CTDNEP1: variants seen among roughly 807,000 people sequenced by gnomAD.
The protein encoded by CTDNEP1 is CTD nuclear envelope phosphatase 1.
A neutral mutation model predicts 30.1 loss-of-function variants in CTDNEP1; 3 were observed. The observed-to-expected ratio is 0.10, with a 90% CI of 0.05 to 0.26. CTDNEP1 has a LOEUF of 0.26. Among genes scored for constraint, CTDNEP1 ranks in the 10% least tolerant of loss-of-function variants. The pLI is 1.00. For synonymous variants in CTDNEP1, 123 were observed against 118.8 expected, an observed-to-expected ratio of 1.04 and a Z score of -0.23; for missense variants, 158 against 310.4, an observed-to-expected ratio of 0.51 and a Z score of 3.69.
intron 1 of CTDNEP1, among the ~76,000 whole-genome samples, 153 bp from the exon 2 acceptor site, chr17:7,247,496 T>A (rs2071856857): frequency 6.8e-6 from 1 of 147,676 alleles, no homozygotes; most frequent in African/African-American, 2.5e-5. Flanking sequence ...TGAGATGGAG[T>A]CTCGCTCTGT....
chr17:7,249,876 A>T lies in CTDNEP1; in HGVS notation c.102+1319T>A, dbSNP rs190418853. ...CAGTGAGCGGAGATGGCACCACTGCACTCCAGCCTGGGCGACAAAGCGAGA... is the reference window on the plus strand; with the variant it reads ...CAGTGAGCGGAGATGGCACCACTGCTCTCCAGCCTGGGCGACAAAGCGAGA... On this transcript the variant is annotated intron_variant, in intron 1 of 7. Transcript: ENST00000574322. 2.6e-4 allele frequency among the ~76,000 whole-genome samples: 40 copies of T among 152,192 alleles called. No individual in the cohort carries two copies. In the East Asian group the frequency reaches 6.4e-3, roughly 24 times the overall value.
At chr17:7,247,445 A>T in intron 1 of CTDNEP1, 102 bp from the exon 2 acceptor site, 7 of 826,230 alleles carry the variant, frequency 8.5e-6, no homozygotes, top group Non-Finnish European at 1.4e-5. Flanking sequence ...GGTACTATGT[A>T]TGTAATTTAG....
At chr17:7,245,279 G>A (rs1475642935) in intron 6 of CTDNEP1, among the ~76,000 whole-genome samples, 5 of 151,166 alleles carry the variant, frequency 3.3e-5, no homozygotes, top group Non-Finnish European at 5.9e-5. Flanking sequence ...GTGACAGTGC[G>A]AGACTCTGTC....
chr17:7,247,301 A>G lies in CTDNEP1; in HGVS notation c.145T>C (p.Ser49Pro). Reference protein sequence around the residue: ...QTVRYDILPLSPVSRNRLAQV... With the variant: ...QTVRYDILPLPPVSRNRLAQV... Reference sequence around the variant, plus strand: ...CCTAGCCGATTCCGGGACACAGGAGATAAGGGGAGGATATCATATCGAACA... The same window carrying G: ...CCTAGCCGATTCCGGGACACAGGAGGTAAGGGGAGGATATCATATCGAACA... The change falls in exon 2 of 8, where the codon TCT becomes CCT. Residue 49 changes from serine (S) to proline (P), a missense_variant. Physicochemically the swap from Ser to Pro is moderately conservative, Grantham distance 74 (BLOSUM62 -1). Transcript: ENST00000574322. 6.2e-7 allele frequency: 1 copy of G among 1,614,012 alleles called. No homozygotes were observed. Among genetic ancestry groups the G allele is most frequent in the Non-Finnish European group, 8.5e-7 (1 of 1,180,010 alleles).
In CTDNEP1 at chr17:7,246,039, G is replaced by A; in HGVS notation, c.576C>T (p.Tyr192=). ...IVILDNSPGA[Y]RSHPDNAIPI... ...CTTCCCCCGTACCTGGATGGCTCCT[G>A]TAAGCCCCTGGGGAGTTATCCAGGA... The change falls in exon 6 of 8, where the codon TAC becomes TAT. Residue 192 remains tyrosine (Y), a synonymous_variant. Coordinates refer to ENST00000574322, the MANE Select transcript of CTDNEP1 (RefSeq NM_001143775.2). The surrounding 1 kb of genome is among the most constrained non-coding windows in gnomAD (Gnocchi z 4.9). The A allele has an allele frequency of 6.2e-7, 1 of 1,613,008 alleles. No individual in the cohort carries two copies. The highest frequency in any genetic ancestry group is 8.5e-7 in the Non-Finnish European group (1 of 1,179,130).
intron 1 of CTDNEP1, among the ~76,000 whole-genome samples, chr17:7,248,168 G>A (rs1567587753): frequency 7.0e-6 from 1 of 143,018 alleles, no homozygotes; most frequent in African/African-American, 2.6e-5. Context: ...GGCTGAGGCA[G>A]CAGAGTGGCT....
chr17:7,245,291 C>CA lies in CTDNEP1; in HGVS notation c.590-657dup, dbSNP rs962572496. On this transcript the variant is annotated intron_variant, in intron 6 of 7. Coordinates refer to ENST00000574322, the MANE Select transcript of CTDNEP1 (RefSeq NM_001143775.2). ...TGGGTGACAGTGCGAGACTCTGTCT[C>CA]AAAAAAAAATAAAAAATAAAAAAAT... 1.2e-4 allele frequency among the ~76,000 whole-genome samples: 18 copies of CA among 146,652 alleles called. No homozygotes were observed. The East Asian group carries it at 2.6e-3, about 22-fold the overall frequency.
In CTDNEP1 at chr17:7,251,520, C is replaced by A; in HGVS notation, c.-224G>T. 1 of 368,348 alleles carries A rather than the reference C, an allele frequency of 2.7e-6. No individual in the cohort carries two copies. The highest frequency in any genetic ancestry group is 4.4e-5 in the East Asian group (1 of 22,554). 22.8% of individuals were successfully genotyped at this position (368,348 alleles called of 1,614,324 possible). ...CAGGCGTGGGCAGCCCGCGGGGGCC[C>A]ACATGGGCTGGGAGTGGCACCGACG... is the stretch of plus-strand genomic sequence containing the variant. On this transcript the variant is annotated 5_prime_UTR_variant, in exon 1 of 8. Coordinates refer to ENST00000574322, the MANE Select transcript of CTDNEP1 (RefSeq NM_001143775.2).
Position 7,251,304 on chromosome 17 carries a change from A to G in CTDNEP1, c.-8T>C. 3 of 1,521,736 alleles carry G rather than the reference A, an allele frequency of 2.0e-6. No individual in the cohort carries two copies. Among genetic ancestry groups the G allele is most frequent in the Non-Finnish European group, 2.6e-6 (3 of 1,135,506 alleles). 94.3% of individuals were successfully genotyped at this position (1,521,736 alleles called of 1,614,324 possible). On this transcript the variant is annotated 5_prime_UTR_variant, in exon 1 of 8. Transcript: ENST00000574322. ...ACACTGCGTCCGCATCATCCCGATG[A>G]CCCCGGCACCGCCGGCCCCGGGGCC...
Position 7,247,157 on chromosome 17 carries a change from C to T in CTDNEP1, c.195G>A (p.Val65=). The part of the protein sequence containing the change: ...RLAQVKRKIL[V]LDLDETLIHS... The stretch of plus-strand genomic sequence containing the variant: ...GAATAAGTGTCTCATCCAGATCCAG[C>T]ACCAGGATCTTCCTCTTCACCTGGG... The change falls in exon 3 of 8, where the codon GTG becomes GTA. Residue 65 remains valine (V), a synonymous_variant. Coordinates refer to ENST00000574322, the MANE Select transcript of CTDNEP1 (RefSeq NM_001143775.2). 3 of 1,613,910 alleles carry T rather than the reference C, an allele frequency of 1.9e-6. No individual in the cohort carries two copies. Among genetic ancestry groups the T allele is most frequent in the Non-Finnish European group, 2.5e-6 (3 of 1,179,848 alleles).
At chr17:7,245,957 G>A (rs1460778748) in intron 6 of CTDNEP1, 69 bp downstream of exon 6, 1 of 1,022,084 alleles carries the variant, frequency 9.8e-7, no homozygotes, top group East Asian at 2.4e-5. Flanking sequence ...CCAAAGCCCA[G>A]GTCTCCTGCA....
chr17:7,245,365 G>A (rs895761147), intron 6 of CTDNEP1, among the ~76,000 whole-genome samples: 1 of 151,958 alleles, frequency 6.6e-6, no homozygotes, highest in Non-Finnish European at 1.5e-5. Flanking sequence ...CTGAGAGGCT[G>A]AGGCAGAAGG....
chr17:7,248,668 C>T (rs1214475785), intron 1 of CTDNEP1, among the ~76,000 whole-genome samples: 3 of 151,988 alleles, frequency 2.0e-5, no homozygotes, highest in Admixed American at 2.0e-4. Context: ...AAGCTGCCCT[C>T]TTAACTGTGA....
intron 7 of CTDNEP1, 110 bp from the exon 8 acceptor site, chr17:7,244,355 C>CATGATTAG (rs1215151609): frequency 3.3e-5 from 43 of 1,316,850 alleles, no homozygotes; most frequent in Non-Finnish European, 9.7e-6. Context: ...TCACCATATT[C>CATGATTAG]ATGATTAGAT....
rs414206 is a variant in CTDNEP1 at position 7,251,215 on chromosome 17, G to A, written c.82C>T (p.Leu28=). 1,019,288 of 1,599,370 alleles carry A rather than the reference G, an allele frequency of 0.64. 327,661 individuals are homozygous for A. The highest frequency in any genetic ancestry group is 0.85 in the African/African-American group (62,897 of 74,220). Residue 28 remains leucine (L), a synonymous_variant, in exon 1 of 8, where the codon CTG becomes TTG. Transcript: ENST00000574322. ...AKLWSFFIYL[L]RRQIRTVIQY... ...CTCACCGTGCGGATCTGCCTCCGCA[G>A]AAGGTAAATGAAGAAGCTCCAGAGC... is the stretch of plus-strand genomic sequence containing the variant.
chr17:7,245,524 C>T (rs1015967986), intron 6 of CTDNEP1, among the ~76,000 whole-genome samples: 7 of 151,146 alleles, frequency 4.6e-5, no homozygotes, highest in African/African-American at 1.7e-4. Flanking sequence ...TTTGAGACGG[C>T]GTCTCGCTCT....
chr17:7,246,453 G>A lies in CTDNEP1; in HGVS notation c.361-83C>T. ...ACAGTTATCTTTCAGAAAGGCAATG[G>A]CATAGTCCTTCAGGCCTTCCATCAA... On this transcript the variant is annotated intron_variant, in intron 4 of 7. Coordinates refer to ENST00000574322, the MANE Select transcript of CTDNEP1 (RefSeq NM_001143775.2). This position sits in a 1 kb window ranked among gnomAD's most constrained non-coding sequence, Gnocchi z 4.9. 9.8e-7 allele frequency: 1 copy of A among 1,017,780 alleles called. No homozygotes were observed. The highest frequency in any genetic ancestry group is 1.3e-5 in the South Asian group (1 of 76,140). The allele number at this position is 1,017,780 out of a possible 1,614,324, so 63.0% of individuals were successfully genotyped here.
At chr17:7,248,055 G>A (rs2071866374) in intron 1 of CTDNEP1, among the ~76,000 whole-genome samples, 1 of 151,292 alleles carries the variant, frequency 6.6e-6, no homozygotes, top group African/African-American at 2.4e-5. Flanking sequence ...AAGGTCAAGA[G>A]ACGGAGACCA....
chr17:7,244,741 C>A, intron 6 of CTDNEP1, 106 bp from the exon 7 acceptor site: 2 of 852,568 alleles, frequency 2.3e-6, no homozygotes, highest in East Asian at 2.7e-5. Context: ...ATATGCCTCC[C>A]ACTACCGGAA....
Sources: allele counts gnomAD v4.1 joint callset (sites outside exome capture counted in the v4.1 genomes callset), GRCh38; gene constraint gnomAD v4.1.1; non-coding constraint Gnocchi (gnomAD v3.1); transcripts MANE v1.5; gene names NCBI Gene and HGNC (gene_info 2026-07-23, HGNC 2026-07-21).